The following ZNF177 variants were observed in gnomAD, a reference collection of about 807,000 sequenced individuals.
ZNF177 encodes zinc finger protein 177.
A neutral mutation model predicts 19.4 loss-of-function variants in ZNF177; 17 were observed. The ratio of observed to expected loss-of-function variants is 0.87; its 90% CI spans 0.60 to 1.31. The LOEUF (loss-of-function observed/expected upper bound fraction) is 1.31. Among genes scored for constraint, ZNF177 ranks in the 40% most tolerant of loss-of-function variants. The pLI is 0.00. For missense variants in ZNF177, 633 were observed against 561.8 expected (o/e 1.13, Z -1.28); for synonymous variants, 220 against 188.7 (o/e 1.17, Z -1.36).
exon 6 of ZNF177, chr19:9,382,148 C>A (rs780025445): frequency 2.3e-5 from 9 of 398,286 alleles, no homozygotes; most frequent in Admixed American, 4.0e-5. Context: ...ATATCCATTC[C>A]TCCCTTCTTT....
chr19:9,379,074 A>G, exon 3 of ZNF177: 19 of 1,608,602 alleles, frequency 1.2e-5, no homozygotes, highest in Non-Finnish European at 1.6e-5. Context: ...AACTTTAGGA[A>G]CCTGGCCTCA....
At chr19:9,370,776 T>C (rs556808551) in intron 2 of ZNF177, among the ~76,000 whole-genome samples, 64 of 152,294 alleles carry the variant, frequency 4.2e-4, no homozygotes, top group Non-Finnish European at 5.7e-4. Flanking sequence ...AAGGTCTACA[T>C]GTTCAGTACA....
At chr19:9,369,695 G>T in intron 2 of ZNF177, among the ~76,000 whole-genome samples, 2 of 150,712 alleles carry the variant, frequency 1.3e-5, no homozygotes, top group South Asian at 2.1e-4. Flanking sequence ...TCTTACCTTT[G>T]GAATTGAGAT....
intron 2 of ZNF177, among the ~76,000 whole-genome samples, chr19:9,369,275 A>G (rs2068018369): frequency 6.6e-6 from 1 of 152,018 alleles, no homozygotes; most frequent in Non-Finnish European, 1.5e-5. Context: ...TGTGTTATTT[A>G]TCCTTTAATT....
chr19:9,382,418 G>A (rs192429958), downstream of ZNF177: 2 of 398,644 alleles, frequency 5.0e-6, no homozygotes, highest in East Asian at 3.6e-5. Context: ...ACAGAGAAAG[G>A]ATACTAAATG....
intron 2 of ZNF177, among the ~76,000 whole-genome samples, chr19:9,368,445 G>A (rs896936673): frequency 6.6e-6 from 1 of 152,106 alleles, no homozygotes; most frequent in Non-Finnish European, 1.5e-5. Flanking sequence ...TGCAACATTT[G>A]TAGTTGTGTT....
upstream of ZNF177, among the ~76,000 whole-genome samples, chr19:9,372,290 T>A (rs1441544462): frequency 6.6e-6 from 1 of 152,180 alleles, no homozygotes; most frequent in African/African-American, 2.4e-5. Context: ...CACTTGTGTA[T>A]ACAGATCCTC....
At chr19:9,382,605 A>G (rs184823578), downstream of ZNF177, 82 of 390,442 alleles carry the variant, frequency 2.1e-4, no homozygotes, top group Non-Finnish European at 3.3e-4. Context: ...GTCAAGTTTT[A>G]GGAATCGTTC....
At position 9,363,771 on chromosome 19, in the gene ZNF177, T is replaced by G. The variant is rs114124068; in HGVS notation, c.-392+687T>G. 3.0e-3 allele frequency among the ~76,000 whole-genome samples: 458 copies of G among 152,348 alleles called. 2 individuals are homozygous for G. Among genetic ancestry groups the G allele is most frequent in the African/African-American group, 0.01 (427 of 41,574 alleles). Reference sequence around the variant, plus strand: ...TAGTTTCTTTTGGATGTTTACATATTGACATATCGTTTATGAATAAGAACT... The same window carrying G: ...TAGTTTCTTTTGGATGTTTACATATGGACATATCGTTTATGAATAAGAACT... On this transcript the variant is annotated intron_variant, in intron 1 of 8. Transcript: ENST00000343499.
intron 2 of ZNF177, among the ~76,000 whole-genome samples, chr19:9,368,538 T>G (rs564217061): frequency 6.6e-6 from 1 of 152,278 alleles, no homozygotes; most frequent in South Asian, 2.1e-4. Context: ...TGAGTGATAC[T>G]GTTGTTTTCT....
chr19:9,381,933 A>G, exon 6 of ZNF177: 1 of 1,149,508 alleles, frequency 8.7e-7, no homozygotes, highest in Non-Finnish European at 1.2e-6. Flanking sequence ...TGTTATAGCT[A>G]TGATTGTTTT....
At chr19:9,370,346 TAA>T (rs1344772414) in intron 2 of ZNF177, among the ~76,000 whole-genome samples, 2 of 152,084 alleles carry the variant, frequency 1.3e-5, no homozygotes, top group Admixed American at 1.3e-4. Flanking sequence ...CCATTTACTT[TAA>T]GTCATCACTA....
intron 1 of ZNF177, among the ~76,000 whole-genome samples, chr19:9,364,499 G>A (rs544027918): frequency 6.6e-6 from 1 of 152,062 alleles, no homozygotes; most frequent in Admixed American, 6.5e-5. Flanking sequence ...AACTCTTTTT[G>A]TCGTGTCGGT....
chr19:9,378,680 C>T (rs913298875), intron 2 of ZNF177: 24 of 537,588 alleles, frequency 4.5e-5, no homozygotes, highest in African/African-American at 2.3e-4. Flanking sequence ...CTGAATAAGA[C>T]GAAAAGAGTC....
At chr19:9,376,076 C>T (rs941026055), upstream of ZNF177, among the ~76,000 whole-genome samples, 1 of 152,114 alleles carries the variant, frequency 6.6e-6, no homozygotes, top group African/African-American at 2.4e-5. Flanking sequence ...GCAGCATATA[C>T]CTTAGGTCTT....
exon 6 of ZNF177, chr19:9,381,057 C>G: frequency 6.2e-7 from 1 of 1,606,510 alleles, no homozygotes; most frequent in Non-Finnish European, 8.5e-7. Flanking sequence ...AAATATCTCC[C>G]CTTAGTGTCC....
chr19:9,371,542 C>T (rs1233255720), upstream of ZNF177: 1 of 152,068 alleles, frequency 6.6e-6, no homozygotes, highest in African/African-American at 2.4e-5. Flanking sequence ...AAGACATTGT[C>T]CTGCTTTCTT....
chr19:9,380,967 C>T (rs1458845936), exon 6 of ZNF177: 3 of 1,541,822 alleles, frequency 1.9e-6, no homozygotes, highest in African/African-American at 1.4e-5. Flanking sequence ...GTGATATGTC[C>T]TTCAGCCTAC....
At chr19:9,367,951 C>T (rs528642864) in intron 2 of ZNF177, among the ~76,000 whole-genome samples, 1 of 152,242 alleles carries the variant, frequency 6.6e-6, no homozygotes, top group East Asian at 1.9e-4. Context: ...ACATTAGTGA[C>T]AAATTACATT....
Sources: gnomAD v4.1 joint callset for allele counts (sites outside exome capture counted in the v4.1 genomes callset) on GRCh38, gnomAD v4.1.1 for gene constraint, MANE v1.5 for transcripts, NCBI Gene and HGNC (gene_info 2026-07-23, HGNC 2026-07-21) for gene names.